Variants in RSPH6A observed in about 807,000 individuals in gnomAD.
RSPH6A encodes the protein radial spoke head 6 homolog A.
In RSPH6A, 49 loss-of-function variants were observed where a neutral mutation model predicts 66.1. The observed-to-expected ratio is 0.74, with a 90% CI of 0.59 to 0.94. The LOEUF (loss-of-function observed/expected upper bound fraction) is 0.94, where lower values mean the gene tolerates loss of function less well. Ranked by LOEUF, RSPH6A falls within the 40% of genes least tolerant of loss-of-function variation. RSPH6A has a pLI of 0.00. For synonymous variants in RSPH6A, 419 were observed against 402.4 expected (o/e 1.04, Z -0.49); for missense variants, 977 against 948.3 (o/e 1.03, Z -0.40).
intron 5 of RSPH6A, among the ~76,000 whole-genome samples, chr19:45,799,547 AT>A (rs539495482): frequency 0.021 from 3,082 of 146,258 alleles, 94 homozygotes; most frequent in African/African-American, 0.068. Context: ...AATTTTTTTA[AT>A]TTTTTTTTTT....
intron 2 of RSPH6A, among the ~76,000 whole-genome samples, chr19:45,809,596 G>A (rs1005356360): frequency 5.3e-5 from 8 of 152,262 alleles, no homozygotes; most frequent in African/African-American, 1.4e-4. Flanking sequence ...CACCGTGCCC[G>A]GCTAGTCAAA....
intron 5 of RSPH6A, among the ~76,000 whole-genome samples, chr19:45,797,740 C>T (rs765290018): frequency 2.0e-5 from 3 of 151,530 alleles, no homozygotes; most frequent in Non-Finnish European, 4.4e-5. Flanking sequence ...TGGTAGTGGG[C>T]GCCTGTAGTC....
At chr19:45,812,971 C>T (rs1173094434) in intron 1 of RSPH6A, among the ~76,000 whole-genome samples, 1 of 152,088 alleles carries the variant, frequency 6.6e-6, no homozygotes, top group Non-Finnish European at 1.5e-5. Flanking sequence ...GCTGGGATCA[C>T]AGGCATGAGC....
rs183291224 is a variant in RSPH6A, at chr19:45,804,990, C to T, written c.915G>A (p.Met305Ile). ...CCTGCTCGAAGTAGAAGGCAGTCTC[C>T]ATGATGTTGGGCACTGGTGTCTCCC... ...EVGETPVPNI[M>I]ETAFYFEQAG... The change falls in exon 3 of 6, where the codon ATG (methionine) becomes ATA (isoleucine). Residue 305 changes from methionine to isoleucine, a missense_variant. Physicochemically the swap from Met to Ile is conservative, Grantham distance 10. Coordinates refer to ENST00000221538, the MANE Select transcript of RSPH6A (RefSeq NM_030785.4). The surrounding 1 kb of genome is among the most constrained non-coding windows in gnomAD (Gnocchi z 5.8). 1.4e-5 allele frequency: 22 copies of T among 1,612,338 alleles called. No individual in the cohort carries two copies. The African/African-American group carries it at 1.9e-4, about 14-fold the overall frequency.
chr19:45,810,855 A>G lies in RSPH6A; in HGVS notation c.651-15T>C. Reference sequence around the variant, plus strand: ...GGTGCTCGTACCTGCCTCCCGCAGGAGGAGTGGGAGGAGAGGGACCTCACT... The same window carrying G: ...GGTGCTCGTACCTGCCTCCCGCAGGGGGAGTGGGAGGAGAGGGACCTCACT... On this transcript the variant is annotated splice_polypyrimidine_tract_variant and intron_variant, in intron 1 of 5. Coordinates refer to ENST00000221538, the MANE Select transcript of RSPH6A (RefSeq NM_030785.4). 1.3e-6 allele frequency: 2 copies of G among 1,590,284 alleles called. No homozygotes were observed. The highest frequency in any genetic ancestry group is 8.6e-7 in the Non-Finnish European group (1 of 1,163,584).
chr19:45,812,548 AG>A (rs1288153054), intron 1 of RSPH6A, among the ~76,000 whole-genome samples: 2 of 152,112 alleles, frequency 1.3e-5, no homozygotes, highest in Admixed American at 6.6e-5. Context: ...AGGGCTTCTC[AG>A]GAAGAGAGCC....
chr19:45,802,155 C>T lies in RSPH6A; in HGVS notation c.1763G>A (p.Gly588Asp), dbSNP rs749235419. 1.3e-6 allele frequency: 2 copies of T among 1,556,664 alleles called. No homozygotes were observed. The highest frequency in any genetic ancestry group is 1.4e-5 in the African/African-American group (1 of 72,602). Residue 588 changes from glycine to aspartate, a missense_variant, in exon 4 of 6, where the codon GGC (glycine) becomes GAC (aspartate). Transcript: ENST00000221538. ...EGPEEVEQEVGPPLLTPLSED... is the reference protein window; with the variant it reads ...EGPEEVEQEVDPPLLTPLSED... The stretch of plus-strand genomic sequence containing the variant: ...TGAAAGTGGCGTTAGCAGTGGGGGG[C>T]CAACCTCCTGCTCCACCTCCTCTGG...
chr19:45,802,410 AG>A (rs1424697818), intron 3 of RSPH6A, 146 bp from the exon 4 acceptor site: 3 of 572,624 alleles, frequency 5.2e-6, no homozygotes, highest in Non-Finnish European at 7.9e-6. Flanking sequence ...CGCACAGCTA[AG>A]GGGAGGTGGG....
At chr19:45,801,451 C>T (rs1485449299) in intron 4 of RSPH6A, among the ~76,000 whole-genome samples, 2 of 152,150 alleles carry the variant, frequency 1.3e-5, no homozygotes, top group Non-Finnish European at 2.9e-5. Flanking sequence ...TAAAAAATTC[C>T]TGTCCATTCA....
intron 5 of RSPH6A, among the ~76,000 whole-genome samples, chr19:45,797,184 A>G (rs539863351): frequency 2.6e-4 from 39 of 151,588 alleles, no homozygotes; most frequent in African/African-American, 8.9e-4. Context: ...AGACCAGCCT[A>G]GCTAACACGG....
At chr19:45,813,095 C>G (rs1450187883) in intron 1 of RSPH6A, among the ~76,000 whole-genome samples, 2 of 152,058 alleles carry the variant, frequency 1.3e-5, no homozygotes, top group East Asian at 1.9e-4. Context: ...GGGACACGGC[C>G]AGCTTTGTGC....
At chr19:45,811,339 TAC>T (rs1265575722) in intron 1 of RSPH6A, among the ~76,000 whole-genome samples, 27 of 152,090 alleles carry the variant, frequency 1.8e-4, no homozygotes, top group South Asian at 4.2e-4. Flanking sequence ...GCAAAATATA[TAC>T]AGTGTGTCAG....
chr19:45,809,910 A>C (rs1278027817), intron 2 of RSPH6A, among the ~76,000 whole-genome samples: 1 of 152,228 alleles, frequency 6.6e-6, no homozygotes, highest in Non-Finnish European at 1.5e-5. Flanking sequence ...ACAGAAAAAG[A>C]AACACAAAAT....
intron 3 of RSPH6A, among the ~76,000 whole-genome samples, chr19:45,803,009 C>G (rs2146283741): frequency 6.7e-6 from 1 of 149,762 alleles, no homozygotes; most frequent in South Asian, 2.1e-4. Context: ...GAGATAGAGA[C>G]CATCCTGGCT....
At chr19:45,811,101 C>A (rs1451884642) in intron 1 of RSPH6A, among the ~76,000 whole-genome samples, 1 of 152,146 alleles carries the variant, frequency 6.6e-6, no homozygotes, top group Admixed American at 6.5e-5. Context: ...TCAAATAATT[C>A]TCCTGCCTCA....
intron 3 of RSPH6A, among the ~76,000 whole-genome samples, chr19:45,803,640 G>A (rs1236255016): frequency 1.3e-5 from 2 of 150,686 alleles, no homozygotes; most frequent in African/African-American, 4.9e-5. Context: ...TCACGCCATT[G>A]TACTCCAGCC....
At chr19:45,803,694 A>AAAAG (rs1491244761) in intron 3 of RSPH6A, among the ~76,000 whole-genome samples, 12 of 52,402 alleles carry the variant, frequency 2.3e-4, no homozygotes, top group African/African-American at 5.3e-4. Flanking sequence ...AAAAGAAAAG[A>AAAAG]AAAAAAAAAA....
rs181208814 is a variant in RSPH6A, at chr19:45,800,483, T to G, written c.1879A>C (p.Asn627His). Residue 627 changes from asparagine (N) to histidine (H), a missense_variant, in exon 5 of 6, where the codon AAC (asparagine) becomes CAC (histidine). By Grantham distance (68) the Asn-to-His change is moderately conservative. Coordinates refer to ENST00000221538, the MANE Select transcript of RSPH6A (RefSeq NM_030785.4). ...PQYSVAVVRS[N>H]LWPGAYAYAS... ...TAGGCATAGGCCCCGGGCCAGAGGT[T>G]GGAGCGCACAACGGCCACTGAGTAC... 2 of 1,613,306 alleles carry G rather than the reference T, an allele frequency of 1.2e-6. No homozygotes were observed. Among genetic ancestry groups the G allele is most frequent in the African/African-American group, 2.7e-5 (2 of 74,916 alleles).
chr19:45,800,079 A>G (rs1351383037), intron 5 of RSPH6A, among the ~76,000 whole-genome samples: 1 of 151,814 alleles, frequency 6.6e-6, no homozygotes, highest in African/African-American at 2.4e-5. Context: ...ACCACAAACA[A>G]GAAGAACTGT....
Sources: gnomAD v4.1 joint callset for allele counts (sites outside exome capture counted in the v4.1 genomes callset) on GRCh38, gnomAD v4.1.1 for gene constraint, Gnocchi (gnomAD v3.1) non-coding constraint, MANE v1.5 for transcripts, NCBI Gene and HGNC (gene_info 2026-07-23, HGNC 2026-07-21) for gene names.